The following SNTG2 variants were observed in gnomAD, a reference collection of about 807,000 sequenced individuals.
SNTG2 encodes syntrophin gamma 2.
In SNTG2, 74 loss-of-function variants were observed where a neutral mutation model predicts 70.9. That is an observed-to-expected ratio of 1.04 (90% CI 0.86 to 1.27). The LOEUF is 1.27. SNTG2 is among the 50% of genes most tolerant of loss of function. SNTG2 has a pLI of 0.00. For missense variants in SNTG2, 717 were observed against 690.7 expected (o/e 1.04, Z -0.43); for synonymous variants, 278 against 273.8 (o/e 1.02, Z -0.15).
intron 4 of SNTG2, among the ~76,000 whole-genome samples, chr2:1,116,495 C>T (rs561824562): frequency 6.6e-6 from 1 of 150,388 alleles, no homozygotes; most frequent in Non-Finnish European, 1.5e-5. Flanking sequence ...TATGGGTGCC[C>T]TGGTGTGTGT....
intron 9 of SNTG2, among the ~76,000 whole-genome samples, chr2:1,235,172 C>T (rs1362746006): frequency 2.0e-5 from 3 of 150,414 alleles, no homozygotes; most frequent in African/African-American, 7.3e-5. Context: ...AGAGGGGGCG[C>T]CCCTACCCCA....
intron 6 of SNTG2, among the ~76,000 whole-genome samples, chr2:1,142,960 T>C (rs1018087540): frequency 1.3e-5 from 2 of 152,192 alleles, no homozygotes; most frequent in African/African-American, 2.4e-5. Flanking sequence ...TGGGGCTAGT[T>C]ATGAGACTAG....
intron 4 of SNTG2, among the ~76,000 whole-genome samples, chr2:1,133,297 AGT>A (rs1389684358): frequency 6.6e-5 from 10 of 152,248 alleles, no homozygotes; most frequent in Admixed American, 1.3e-4. Context: ...ATTTAACAGA[AGT>A]GTCTTTACAA....
intron 16 of SNTG2, among the ~76,000 whole-genome samples, chr2:1,333,892 A>G (rs940010690): frequency 1.3e-5 from 2 of 152,240 alleles, no homozygotes; most frequent in African/African-American, 4.8e-5. Flanking sequence ...ATGAGAGTTC[A>G]TGACCAAGAA....
chr2:1,175,513 A>G (rs778717720), intron 8 of SNTG2, among the ~76,000 whole-genome samples: 3 of 152,230 alleles, frequency 2.0e-5, no homozygotes, highest in Non-Finnish European at 4.4e-5. Flanking sequence ...ACTGGGGAGA[A>G]TCAAACCTTT....
chr2:1,239,189 A>T (rs1394153192), intron 10 of SNTG2, among the ~76,000 whole-genome samples: 1 of 152,224 alleles, frequency 6.6e-6, no homozygotes, highest in Admixed American at 6.5e-5. Context: ...ATCAGCCCTC[A>T]TAGGCAGGGC....
At chr2:1,175,726 C>T (rs1439831607) in intron 8 of SNTG2, among the ~76,000 whole-genome samples, 2 of 152,176 alleles carry the variant, frequency 1.3e-5, no homozygotes, top group African/African-American at 4.8e-5. Flanking sequence ...AACTGTCCTC[C>T]TACCCTTTCT....
rs186381562 is a variant in SNTG2 at position 970,180 on chromosome 2, T to G, written c.72+19112T>G. Among the ~76,000 whole-genome samples, 660 of 152,350 alleles carry G rather than the reference T, an allele frequency of 4.3e-3. 7 individuals carry two copies. The highest frequency in any genetic ancestry group is 0.013 in the African/African-American group (554 of 41,580). On this transcript the variant is annotated intron_variant, in intron 1 of 16. Transcript: ENST00000308624. ...GAATTACATTTATTTGTTTTGTATG[T>G]TGAACCAACCTTGCATCCCAGGGAT... is the stretch of plus-strand genomic sequence containing the variant.
Position 1,353,514 on chromosome 2 carries a change from C to G in SNTG2, c.1489-13829C>G, listed in dbSNP as rs1157315908. On this transcript the variant is annotated intron_variant, in intron 16 of 16. Coordinates refer to ENST00000308624, the MANE Select transcript of SNTG2 (RefSeq NM_018968.4). This position sits in a 1 kb window ranked among gnomAD's most constrained non-coding sequence, Gnocchi z 4.2. Reference sequence around the variant, plus strand: ...TCATGCATTGAACAACCATCTCTTTCAAGTCTTGCTTTGAGGGCCAAGTCC... The same window carrying G: ...TCATGCATTGAACAACCATCTCTTTGAAGTCTTGCTTTGAGGGCCAAGTCC... Among the ~76,000 whole-genome samples the G allele has an allele frequency of 6.6e-6, 1 of 152,098 alleles. No homozygotes were observed. Among genetic ancestry groups the G allele is most frequent in the Non-Finnish European group, 1.5e-5 (1 of 68,036 alleles).
rs189405739 is a variant in SNTG2 at position 962,614 on chromosome 2, T to C, written c.72+11546T>C. On this transcript the variant is annotated intron_variant, in intron 1 of 16. Coordinates refer to ENST00000308624, the MANE Select transcript of SNTG2 (RefSeq NM_018968.4). ...CAAATAGAATCAACATATTTCTTGA[T>C]TATGCCTGTCTTTGAATAAGTAGGT... Among the ~76,000 whole-genome samples, 339 of 152,378 alleles carry C rather than the reference T, an allele frequency of 2.2e-3. 3 individuals are homozygous for C. Among genetic ancestry groups the C allele is most frequent in the African/African-American group, 7.9e-3 (330 of 41,584 alleles).
At chr2:1,228,093 A>G (rs7573179) in intron 9 of SNTG2, among the ~76,000 whole-genome samples, 48,001 of 151,910 alleles carry the variant, frequency 0.32, 9,017 homozygotes, top group African/African-American at 0.53. Context: ...GTGCTGTACC[A>G]TGTCTCAGAT....
At chr2:1,172,500 C>A (rs576037895) in intron 7 of SNTG2, among the ~76,000 whole-genome samples, 2 of 152,146 alleles carry the variant, frequency 1.3e-5, no homozygotes, top group Non-Finnish European at 2.9e-5. Context: ...ACCTTGGAAA[C>A]GGCATGAAAG....
At chr2:1,147,679 G>T (rs59442631) in intron 6 of SNTG2, among the ~76,000 whole-genome samples, 7,064 of 152,158 alleles carry the variant, frequency 0.046, 244 homozygotes, top group South Asian at 0.18. Context: ...AAGTATGGGG[G>T]GTAAGAGTCA....
At chr2:1,138,867 C>T (rs1248139420) in intron 6 of SNTG2, among the ~76,000 whole-genome samples, 1 of 152,182 alleles carries the variant, frequency 6.6e-6, no homozygotes, top group Non-Finnish European at 1.5e-5. Context: ...AAAAGTCACC[C>T]CATCTGCATA....
At chr2:1,127,336 G>T (rs1419009333) in intron 4 of SNTG2, among the ~76,000 whole-genome samples, 2 of 151,862 alleles carry the variant, frequency 1.3e-5, no homozygotes, top group African/African-American at 4.8e-5. Flanking sequence ...TTTTTTGCCT[G>T]TACCACGTTG....
rs375652588 is a variant in SNTG2, at chr2:1,122,380, C to T, written c.326-15242C>T. Among the ~76,000 whole-genome samples, 125 of 152,210 alleles carry T rather than the reference C, an allele frequency of 8.2e-4. 2 individuals carry two copies. The South Asian group carries it at 0.025, about 31-fold the overall frequency. Reference sequence around the variant, plus strand: ...TCATAATGACTTTAGCAAGCCAAGTCCAACAGCACATTAGAAAGATTACAT... The same window carrying T: ...TCATAATGACTTTAGCAAGCCAAGTTCAACAGCACATTAGAAAGATTACAT... On this transcript the variant is annotated intron_variant, in intron 4 of 16. Transcript: ENST00000308624.
chr2:1,154,227 A>G (rs7579326), intron 6 of SNTG2, among the ~76,000 whole-genome samples: 129,521 of 151,448 alleles, frequency 0.86, 55,774 homozygotes, highest in Middle Eastern at 0.95. Flanking sequence ...GGCTGACATT[A>G]GGGACCACCA....
chr2:1,336,267 T>C (rs901119496), intron 16 of SNTG2, among the ~76,000 whole-genome samples: 7 of 152,182 alleles, frequency 4.6e-5, no homozygotes, highest in South Asian at 2.1e-4. Context: ...CTGTCTTCTT[T>C]TGGGAAATGC....
intron 1 of SNTG2, among the ~76,000 whole-genome samples, chr2:1,003,044 C>G (rs953883315): frequency 4.6e-5 from 7 of 152,000 alleles, no homozygotes; most frequent in Non-Finnish European, 2.9e-5. Flanking sequence ...CAAGTGAGAG[C>G]TGAATAAAGT....
Sources: allele counts gnomAD v4.1 joint callset (sites outside exome capture counted in the v4.1 genomes callset), GRCh38; gene constraint gnomAD v4.1.1; non-coding constraint Gnocchi (gnomAD v3.1); transcripts MANE v1.5; gene names NCBI Gene and HGNC (gene_info 2026-07-23, HGNC 2026-07-21).